USP8: variants seen among roughly 807,000 people sequenced by gnomAD.
USP8 encodes ubiquitin carboxyl-terminal hydrolase 8.
In USP8, 27 loss-of-function variants were observed where a neutral mutation model predicts 130.0. That is an observed-to-expected ratio of 0.21 (90% confidence interval 0.15 to 0.29). USP8 has a LOEUF of 0.29. USP8 is among the 10% of genes least tolerant of loss of function. The pLI is 1.00. For missense variants in USP8, 1,029 were observed against 1,312.2 expected (o/e 0.78, Z 3.33); for synonymous variants, 392 against 444.1 (o/e 0.88, Z 1.48).
At chr15:50,481,192 T>C (rs142665502) in intron 10 of USP8, among the ~76,000 whole-genome samples, 273 of 152,346 alleles carry the variant, frequency 1.8e-3, no homozygotes, top group Admixed American at 4.9e-3. Flanking sequence ...TGCCCAGGTC[T>C]AGGTTTTATG....
chr15:50,439,356 C>T (rs983884763), intron 2 of USP8, among the ~76,000 whole-genome samples, 179 bp downstream of exon 2: 2 of 152,074 alleles, frequency 1.3e-5, no homozygotes, highest in African/African-American at 4.8e-5. Flanking sequence ...ATATTCTGCT[C>T]ATATGCATAT....
chr15:50,509,003 G>C lies in USP8; in HGVS notation c.*9915G>C, dbSNP rs1200687219. 1.3e-5 allele frequency: 2 copies of C among 151,190 alleles called. No individual in the cohort carries two copies. The highest frequency in any genetic ancestry group is 4.9e-5 in the African/African-American group (2 of 41,048). 9.4% of individuals were successfully genotyped at this position (151,190 alleles called of 1,614,324 possible). A position where few individuals can be genotyped will look rare whatever the true frequency, so the allele number is the denominator to read the frequency against. On this transcript the variant is annotated 3_prime_UTR_variant, in exon 20 of 20. Coordinates refer to ENST00000307179, the MANE Select transcript of USP8 (RefSeq NM_005154.5). Reference sequence around the variant, plus strand: ...CAAAAAATTACCTGGGCACGGTGGCGGGCGCCTGTAGTCCCAGCTACTTGG... The same window carrying C: ...CAAAAAATTACCTGGGCACGGTGGCCGGCGCCTGTAGTCCCAGCTACTTGG...
intron 1 of USP8, among the ~76,000 whole-genome samples, chr15:50,427,965 C>G (rs999888283): frequency 4.0e-5 from 6 of 151,650 alleles, no homozygotes; most frequent in African/African-American, 1.5e-4. Flanking sequence ...TCAAGTGATC[C>G]TCCTGCCTCA....
intron 15 of USP8, 191 bp downstream of exon 15, chr15:50,493,104 G>T (rs770868020): frequency 1.5e-6 from 1 of 678,362 alleles, no homozygotes; most frequent in Non-Finnish European, 2.6e-6. Flanking sequence ...CATCTGGTGC[G>T]CTTTTTTGCT....
At position 50,490,289 on chromosome 15, in the gene USP8, T is replaced by C. The variant is rs186764015; in HGVS notation, c.1998T>C (p.Phe666=). 1 of 1,613,802 alleles carries C rather than the reference T, an allele frequency of 6.2e-7. No individual in the cohort carries two copies. The highest frequency in any genetic ancestry group is 8.5e-7 in the Non-Finnish European group (1 of 1,179,922). The change falls in exon 14 of 20, where the codon TTT becomes TTC. Residue 666 remains phenylalanine, a synonymous_variant. Transcript: ENST00000307179. ...AKFLDPITGT[F]RYYHSPTNTV... ...TTCTTGACCCAATCACTGGAACCTT[T>C]CGTTATTATCATTCACCCACCAACA... is the stretch of plus-strand genomic sequence containing the variant.
chr15:50,484,992 G>T (rs540595644), intron 12 of USP8, among the ~76,000 whole-genome samples: 2 of 152,144 alleles, frequency 1.3e-5, no homozygotes, highest in Non-Finnish European at 2.9e-5. Flanking sequence ...AAGGGGAAAT[G>T]GGGAGTTATT....
chr15:50,450,059 A>G (rs1393273323), intron 4 of USP8, among the ~76,000 whole-genome samples: 1 of 150,392 alleles, frequency 6.6e-6, no homozygotes, highest in East Asian at 1.9e-4. Flanking sequence ...TCACCCGGCT[A>G]ATTTTTTGTA....
Position 50,471,995 on chromosome 15 carries a change from G to A in USP8, c.849+200G>A, listed in dbSNP as rs974735317. Among the ~76,000 whole-genome samples the A allele has an allele frequency of 4.0e-5, 6 of 150,690 alleles. No individual in the cohort carries two copies. The East Asian group carries it at 1.2e-3, about 30-fold the overall frequency. On this transcript the variant is annotated intron_variant, in intron 8 of 19. Transcript: ENST00000307179. ...AGCTCACTGCAACCTCCGCGTCCCAGGTTCAAGCGATTCTCCTGCCTCAGC... is the reference window on the plus strand; with the variant it reads ...AGCTCACTGCAACCTCCGCGTCCCAAGTTCAAGCGATTCTCCTGCCTCAGC...
intron 2 of USP8, 70 bp downstream of exon 2, chr15:50,439,247 A>G: frequency 1.0e-6 from 1 of 992,402 alleles, no homozygotes. Flanking sequence ...TATTAAAGTT[A>G]GATGAATGTT....
chr15:50,474,817 C>T (rs2051505801), intron 8 of USP8, among the ~76,000 whole-genome samples: 1 of 152,068 alleles, frequency 6.6e-6, no homozygotes, highest in Non-Finnish European at 1.5e-5. Context: ...AAAATGAAGA[C>T]TGTGTTTATG....
intron 8 of USP8, 56 bp from the exon 9 acceptor site, chr15:50,476,793 T>C: frequency 1.3e-6 from 2 of 1,489,314 alleles, no homozygotes; most frequent in East Asian, 2.5e-5. Context: ...ATTTGTTGTG[T>C]TTTTAGCTGT....
intron 4 of USP8, among the ~76,000 whole-genome samples, chr15:50,450,141 C>T (rs1004792142): frequency 6.0e-5 from 9 of 150,878 alleles, no homozygotes; most frequent in South Asian, 2.1e-4. Context: ...GTGATCCGCC[C>T]GCCTCAGCCT....
chr15:50,458,930 G>C (rs570202245), intron 4 of USP8, 70 bp from the exon 5 acceptor site: 1 of 1,583,338 alleles, frequency 6.3e-7, no homozygotes, highest in Admixed American at 1.7e-5. Flanking sequence ...TAATTTTACA[G>C]AACTGAAACT....
chr15:50,438,383 A>C (rs776732268), intron 1 of USP8, among the ~76,000 whole-genome samples: 2 of 152,242 alleles, frequency 1.3e-5, no homozygotes, highest in South Asian at 2.1e-4. Context: ...CAGGAGTTTG[A>C]GACCAGCCTG....
intron 12 of USP8, among the ~76,000 whole-genome samples, chr15:50,486,586 A>G (rs140281105): frequency 0.013 from 2,056 of 152,334 alleles, 37 homozygotes; most frequent in Non-Finnish European, 0.016. Context: ...TTAAAGAGCC[A>G]CAGCAACAAC....
chr15:50,467,912 A>G (rs2051243940), intron 7 of USP8, among the ~76,000 whole-genome samples: 1 of 151,060 alleles, frequency 6.6e-6, no homozygotes. Flanking sequence ...TTAATTTTTT[A>G]AATTTTAATT....
intron 7 of USP8, chr15:50,466,739 G>GT (rs2051202103): frequency 4.5e-6 from 1 of 221,994 alleles, no homozygotes; most frequent in Admixed American, 5.0e-5. Flanking sequence ...CACAGCAGCC[G>GT]TGGCTTTTAA....
rs11358406 is a variant in USP8 at position 50,462,951 on chromosome 15, T to TA, written c.541+639dup. ...ATTTAACAGTCATTTACATCCCCCATAAAAAAAAAATCGAGGCCAGGCGCA... is the reference window on the plus strand; with the variant it reads ...ATTTAACAGTCATTTACATCCCCCATAAAAAAAAAAATCGAGGCCAGGCGCA... On this transcript the variant is annotated intron_variant, in intron 6 of 19. Transcript: ENST00000307179. Among the ~76,000 whole-genome samples the TA allele has an allele frequency of 5.3e-3, 792 of 149,274 alleles. 14 individuals carry two copies. Among genetic ancestry groups the TA allele is most frequent in the Admixed American group, 0.038 (574 of 15,058 alleles).
chr15:50,469,912 A>G (rs1403542021), intron 7 of USP8, among the ~76,000 whole-genome samples: 1 of 149,794 alleles, frequency 6.7e-6, no homozygotes, highest in South Asian at 2.1e-4. Flanking sequence ...GCTCACTGCA[A>G]CCCCCACCTC....
Sources: gnomAD v4.1 joint callset for allele counts (sites outside exome capture counted in the v4.1 genomes callset) on GRCh38, gnomAD v4.1.1 for gene constraint, MANE v1.5 for transcripts, NCBI Gene and HGNC (gene_info 2026-07-23, HGNC 2026-07-21) for gene names.